Variants in ZNF829 observed in about 807,000 individuals in gnomAD.
ZNF829 encodes zinc finger protein 829.
A neutral mutation model predicts 35.2 loss-of-function variants in ZNF829; 25 were observed. The observed-to-expected ratio is 0.71, with a 90% confidence interval of 0.52 to 0.99. The LOEUF (loss-of-function observed/expected upper bound fraction) is 0.99, where lower values mean the gene tolerates loss of function less well. Among genes scored for constraint, ZNF829 ranks in the 50% least tolerant of loss-of-function variants. The pLI, the probability that ZNF829 is intolerant of heterozygous loss-of-function variation, is 0.00. For missense variants in ZNF829, 417 were observed against 515.3 expected (o/e 0.81, Z 1.85); for synonymous variants, 136 against 163.2 (o/e 0.83, Z 1.27).
Position 36,892,417 on chromosome 19 carries a change from C to A in ZNF829, c.374G>T (p.Ser125Ile). 2 of 1,609,648 alleles carry A rather than the reference C, an allele frequency of 1.2e-6. No homozygotes were observed. The highest frequency in any genetic ancestry group is 2.2e-5 in the South Asian group (2 of 90,800). ...GTCTTCACGGGTAATTATTACTTGA[C>A]TGAAATGTCTCTTCTTTAGAGATAA... The part of the protein sequence containing the change: ...KILSLKKRHF[S>I]QVIITREDMS... Residue 125 changes from serine to isoleucine, a missense_variant, in exon 6 of 6, where the codon AGT becomes ATT. Transcript: ENST00000391711.
chr19:36,891,392 A>T lies in ZNF829; in HGVS notation c.*100T>A. On this transcript the variant is annotated 3_prime_UTR_variant, in exon 6 of 6. Coordinates refer to ENST00000391711, the MANE Select transcript of ZNF829 (RefSeq NM_001037232.4). ...TATCGTATCGTTTAAAAACGAATAC[A>T]TAGGAGAACCTTTGATAATATGTAT... 5 of 1,249,202 alleles carry T rather than the reference A, an allele frequency of 4.0e-6. No individual in the cohort carries two copies. The highest frequency in any genetic ancestry group is 5.4e-6 in the Non-Finnish European group (5 of 929,998). The allele number at this position is 1,249,202 out of a possible 1,614,324, so 77.4% of individuals were successfully genotyped here.
intron 5 of ZNF829, among the ~76,000 whole-genome samples, chr19:36,896,815 A>G (rs1215374311): frequency 1.3e-5 from 2 of 152,346 alleles, no homozygotes; most frequent in African/African-American, 4.8e-5. Context: ...TCAATAACAA[A>G]AACTTTGTAA....
chr19:36,895,697 G>A (rs759896690), intron 5 of ZNF829, among the ~76,000 whole-genome samples: 2 of 152,056 alleles, frequency 1.3e-5, no homozygotes, highest in African/African-American at 2.4e-5. Context: ...CCAAAAGCAA[G>A]TGAGAGTAGC....
chr19:36,903,106 G>T (rs2073185679), intron 5 of ZNF829, among the ~76,000 whole-genome samples: 1 of 152,134 alleles, frequency 6.6e-6, no homozygotes, highest in African/African-American at 2.4e-5. Flanking sequence ...AAATACAGTA[G>T]TCAAGATTTT....
At position 36,890,853 on chromosome 19, in the gene ZNF829, C is replaced by T. The variant is rs903496715; in HGVS notation, c.*639G>A. 2 of 151,964 alleles carry T rather than the reference C, an allele frequency of 1.3e-5. No individual in the cohort carries two copies. The highest frequency in any genetic ancestry group is 2.9e-5 in the Non-Finnish European group (2 of 68,028). The allele number at this position is 151,964 out of a possible 1,614,324, so 9.4% of individuals were successfully genotyped here. On this transcript the variant is annotated 3_prime_UTR_variant, in exon 6 of 6. Coordinates refer to ENST00000391711, the MANE Select transcript of ZNF829 (RefSeq NM_001037232.4). ...CCTGGGCAACAGAGCGAGACTCTGT[C>T]TCAAAATAAAATAAAATAAAATAAA...
Position 36,908,428 on chromosome 19 carries a change from T to C in ZNF829, c.128A>G (p.Asp43Gly). 1 of 1,611,736 alleles carries C rather than the reference T, an allele frequency of 6.2e-7. No individual in the cohort carries two copies. Among genetic ancestry groups the C allele is most frequent in the Non-Finnish European group, 8.5e-7 (1 of 1,178,906 alleles). ...GCATTCCCATTCCTCTTGAGAGAAG[T>C]CTATGGAAACATCCCTGAACATCAC... ...GPVMFRDVSI[D>G]FSQEEWECLD... Residue 43 changes from aspartate (D) to glycine (G), a missense_variant, in exon 4 of 6, where the codon GAC becomes GGC. By Grantham distance (94) the Asp-to-Gly change is moderately conservative (BLOSUM62 -1). Transcript: ENST00000391711.
At chr19:36,915,938 A>C (rs1480313332) in intron 1 of ZNF829, 73 bp downstream of exon 1, 1 of 1,535,556 alleles carries the variant, frequency 6.5e-7, no homozygotes, top group East Asian at 2.4e-5. Flanking sequence ...ATCCTCACCT[A>C]AGCCCTTTCC....
chr19:36,902,025 A>C, intron 5 of ZNF829: 1 of 649,924 alleles, frequency 1.5e-6, no homozygotes, highest in South Asian at 1.7e-5. Context: ...CGTAATGGGG[A>C]TGAAGATTCA....
At chr19:36,901,835 C>T (rs1204310155) in intron 5 of ZNF829, 7 of 724,296 alleles carry the variant, frequency 9.7e-6, no homozygotes, top group South Asian at 4.4e-5. Context: ...TATGCACAAG[C>T]GCATCCATGG....
intron 5 of ZNF829, among the ~76,000 whole-genome samples, chr19:36,900,046 C>T (rs1458040151): frequency 6.6e-6 from 1 of 151,822 alleles, no homozygotes; most frequent in Non-Finnish European, 1.5e-5. Context: ...TGGCTCATGT[C>T]TGTAATCCCA....
At position 36,915,179 on chromosome 19, in the gene ZNF829, C is replaced by T; in HGVS notation, c.-12G>A. On this transcript the variant is annotated 5_prime_UTR_variant, in exon 2 of 6. Transcript: ENST00000391711. ...GGAGAATGGGGCATTCTGTCCAATTCCAGTGGCTCAGGGGAAAGGTTGTGT... is the reference window on the plus strand; with the variant it reads ...GGAGAATGGGGCATTCTGTCCAATTTCAGTGGCTCAGGGGAAAGGTTGTGT... The T allele has an allele frequency of 6.2e-7, 1 of 1,614,110 alleles. No individual in the cohort carries two copies. The highest frequency in any genetic ancestry group is 2.2e-5 in the East Asian group (1 of 44,874).
chr19:36,902,833 A>T lies in ZNF829; in HGVS notation c.319+5096T>A, dbSNP rs1040918976. Among the ~76,000 whole-genome samples the T allele has an allele frequency of 3.3e-5, 5 of 151,988 alleles. No individual in the cohort carries two copies. In the East Asian group the frequency reaches 5.8e-4, roughly 18 times the overall value. ...GGTGGATTACTTGAGGTGAGGAGTTAGAGACCAACCTGGGCAACATGGTGA... is the reference window on the plus strand; with the variant it reads ...GGTGGATTACTTGAGGTGAGGAGTTTGAGACCAACCTGGGCAACATGGTGA... On this transcript the variant is annotated intron_variant, in intron 5 of 5. Transcript: ENST00000391711.
At chr19:36,904,690 C>T (rs1459695993) in intron 5 of ZNF829, among the ~76,000 whole-genome samples, 5 of 152,010 alleles carry the variant, frequency 3.3e-5, no homozygotes, top group Non-Finnish European at 7.4e-5. Context: ...TGAGCCACCG[C>T]GCCTGGTCTG....
chr19:36,891,278 C>T lies in ZNF829; in HGVS notation c.*214G>A, dbSNP rs1476912440. On this transcript the variant is annotated 3_prime_UTR_variant, in exon 6 of 6. Coordinates refer to ENST00000391711, the MANE Select transcript of ZNF829 (RefSeq NM_001037232.4). ...CAGAAGGAACCAAAACGATCAGCAC[C>T]CTTGAGTTTAGATTTCCAGGCTCTA... 2.1e-6 allele frequency: 1 copy of T among 485,834 alleles called. No individual in the cohort carries two copies. Among genetic ancestry groups the T allele is most frequent in the Non-Finnish European group, 3.5e-6 (1 of 286,370 alleles). The allele number at this position is 485,834 out of a possible 1,614,324, so 30.1% of individuals were successfully genotyped here.
At position 36,892,002 on chromosome 19, in the gene ZNF829, A is replaced by G; in HGVS notation, c.789T>C (p.Thr263=). The G allele has an allele frequency of 1.2e-6, 2 of 1,613,864 alleles. No individual in the cohort carries two copies. Among genetic ancestry groups the G allele is most frequent in the African/African-American group, 2.7e-5 (2 of 75,058 alleles). ...CTTTACATTCATAGGGTTTCTCACC[A>G]GTGTGAATTCTCTGATGATCATTAA... ...SNLNDHQRIH[T]GEKPYECKVC... The change falls in exon 6 of 6, where the codon ACT becomes ACC. Residue 263 remains threonine (T), a synonymous_variant. Transcript: ENST00000391711.
intron 5 of ZNF829, among the ~76,000 whole-genome samples, chr19:36,894,512 C>T (rs1011533904): frequency 2.6e-5 from 4 of 151,884 alleles, no homozygotes; most frequent in African/African-American, 4.8e-5. Context: ...TAAAGAAGCT[C>T]AGTGGGAAAC....
Position 36,891,977 on chromosome 19 carries a change from C to T in ZNF829, c.814G>A (p.Val272Ile), listed in dbSNP as rs1448494844. The T allele has an allele frequency of 1.9e-6, 3 of 1,613,918 alleles. No individual in the cohort carries two copies. The highest frequency in any genetic ancestry group is 2.2e-5 in the South Asian group (2 of 91,068). The change falls in exon 6 of 6, where the codon GTA becomes ATA. Residue 272 changes from valine to isoleucine, a missense_variant. Coordinates refer to ENST00000391711, the MANE Select transcript of ZNF829 (RefSeq NM_001037232.4). The part of the protein sequence containing the change: ...HTGEKPYECK[V>I]CGKAFTKSSQ... ...CTTTTAGTAAAGGCTTTTCCACATA[C>T]TTTACATTCATAGGGTTTCTCACCA...
intron 5 of ZNF829, among the ~76,000 whole-genome samples, chr19:36,904,070 A>G (rs1211183641): frequency 6.6e-6 from 1 of 152,226 alleles, no homozygotes; most frequent in Non-Finnish European, 1.5e-5. Context: ...ACAAATAAAC[A>G]TAAGGCATAA....
At chr19:36,897,760 C>A (rs901434570) in intron 5 of ZNF829, among the ~76,000 whole-genome samples, 6 of 152,170 alleles carry the variant, frequency 3.9e-5, no homozygotes, top group Non-Finnish European at 8.8e-5. Context: ...GTCACACTGT[C>A]CCTTTACAGA....
Sources: gnomAD v4.1 joint callset for allele counts (sites outside exome capture counted in the v4.1 genomes callset) on GRCh38, gnomAD v4.1.1 for gene constraint, MANE v1.5 for transcripts, NCBI Gene and HGNC (gene_info 2026-07-23, HGNC 2026-07-21) for gene names.